Variants in SLC9A6 observed in about 807,000 individuals in gnomAD.
SLC9A6 encodes sodium/hydrogen exchanger 6.
In SLC9A6, 6 loss-of-function variants were observed where a neutral mutation model predicts 45.3. That is an observed-to-expected ratio of 0.13 (90% CI 0.07 to 0.26). SLC9A6 has a LOEUF of 0.26. SLC9A6 is among the 10% of genes least tolerant of loss of function. The pLI is 1.00. For synonymous variants in SLC9A6, 191 were observed against 187.7 expected, an observed-to-expected ratio of 1.02 and a Z score of -0.14; for missense variants, 278 against 503.7, an observed-to-expected ratio of 0.55 and a Z score of 4.29.
intron 13 of SLC9A6, among the ~76,000 whole-genome samples, chrX:136,025,752 G>A (rs782526026): frequency 1.0e-3 from 117 of 111,892 alleles, no homozygotes; most frequent in African/African-American, 3.7e-3. Flanking sequence ...GAAAGGTTCT[G>A]AGTTGTTCAA....
At chrX:136,019,885 C>T (rs1180370024) in intron 11 of SLC9A6, among the ~76,000 whole-genome samples, 1 of 112,188 alleles carries the variant, frequency 8.9e-6, no homozygotes, top group Non-Finnish European at 1.9e-5. Context: ...CTCTGCCTGA[C>T]TGTGACAGTT....
chrX:135,976,764 A>G (rs1263389932), intron 1 of SLC9A6, among the ~76,000 whole-genome samples: 2 of 112,109 alleles, frequency 1.8e-5, no homozygotes, highest in South Asian at 3.7e-4. Flanking sequence ...TGGTATTTGT[A>G]TAAACCACCA....
chrX:136,035,262 G>T (rs1324855691), intron 16 of SLC9A6, among the ~76,000 whole-genome samples: 2 of 111,999 alleles, frequency 1.8e-5, no homozygotes, highest in Non-Finnish European at 3.8e-5. Context: ...TAAGTGTACA[G>T]CTTAATGAAT....
chrX:136,037,108 G>A (rs1341380900), intron 16 of SLC9A6, among the ~76,000 whole-genome samples: 1 of 111,991 alleles, frequency 8.9e-6, no homozygotes, highest in Non-Finnish European at 1.9e-5. Flanking sequence ...TTTTATTACT[G>A]TACTTTATAA....
intron 1 of SLC9A6, among the ~76,000 whole-genome samples, chrX:135,977,898 G>A (rs1236198896): frequency 8.9e-6 from 1 of 112,166 alleles, no homozygotes; most frequent in Non-Finnish European, 1.9e-5. Flanking sequence ...CACTACAGTG[G>A]TTAAAAGCAT....
At position 136,007,468 on chromosome X, in the gene SLC9A6, T is replaced by A. The variant is rs180675014; in HGVS notation, c.744-2974T>A. On this transcript the variant is annotated intron_variant, in intron 7 of 17. Transcript: ENST00000630721. ...TAGACCACTCATACATTGTTAACAT[T>A]GAAATTGGTATTACCTTTTATCACT... 1.2e-4 allele frequency among the ~76,000 whole-genome samples: 13 copies of A among 111,781 alleles called. No individual in the cohort carries two copies. In the East Asian group the frequency reaches 3.6e-3, roughly 31 times the overall value.
chrX:135,985,126 T>G, upstream of SLC9A6: 1 of 142,713 alleles, frequency 7.0e-6, no homozygotes, highest in Non-Finnish European at 1.4e-5. Flanking sequence ...TGGGGGACGA[T>G]ATTGAGATGG....
upstream of SLC9A6, chrX:135,985,405 G>A (rs901631758): frequency 3.6e-6 from 2 of 559,392 alleles, no homozygotes; most frequent in Non-Finnish European, 4.9e-6. Flanking sequence ...GCGCTCCGAC[G>A]GCTACCCCCG....
At chrX:136,007,720 A>G (rs1358055112) in intron 7 of SLC9A6, among the ~76,000 whole-genome samples, 1 of 111,692 alleles carries the variant, frequency 9.0e-6, no homozygotes, top group East Asian at 2.8e-4. Context: ...TGGATATTAT[A>G]CTATATTAAT....
At chrX:135,996,828 G>A (rs782371897) in intron 3 of SLC9A6, among the ~76,000 whole-genome samples, 11 of 108,559 alleles carry the variant, frequency 1.0e-4, no homozygotes, top group Non-Finnish European at 2.1e-4. Context: ...GTGCAGTGGC[G>A]TGATCTCGGC....
Position 136,028,535 on chromosome X carries a change from G to A in SLC9A6, c.1461-351G>A, listed in dbSNP as rs781950292. ...TTACATTGACTTAGCTTCTAATAATGTACCATCTATTACAAGTGTGCTATC... is the reference window on the plus strand; with the variant it reads ...TTACATTGACTTAGCTTCTAATAATATACCATCTATTACAAGTGTGCTATC... On this transcript the variant is annotated intron_variant, in intron 13 of 17. Transcript: ENST00000630721. Among the ~76,000 whole-genome samples, 3 of 112,387 alleles carry A rather than the reference G, an allele frequency of 2.7e-5. No homozygotes were observed. In the South Asian group the frequency reaches 1.1e-3, roughly 42 times the overall value.
chrX:136,034,656 A>G (rs1232716691), intron 16 of SLC9A6, among the ~76,000 whole-genome samples: 2 of 111,780 alleles, frequency 1.8e-5, no homozygotes, highest in African/African-American at 6.5e-5. Flanking sequence ...TTGTATATTT[A>G]AGAAAAATCA....
chrX:135,988,789 G>C (rs1205166289), intron 2 of SLC9A6, among the ~76,000 whole-genome samples: 1 of 107,882 alleles, frequency 9.3e-6, no homozygotes, highest in Non-Finnish European at 1.9e-5. Flanking sequence ...TTTTTGTGGT[G>C]ACGCGAGTGT....
At chrX:136,022,908 C>G (rs1236051684) in intron 12 of SLC9A6, among the ~76,000 whole-genome samples, 2 of 109,077 alleles carry the variant, frequency 1.8e-5, no homozygotes, top group East Asian at 5.8e-4. Context: ...CTCCCAGGTT[C>G]AAGCAATTCT....
chrX:135,991,336 CA>C (rs1336845282), intron 2 of SLC9A6, among the ~76,000 whole-genome samples: 2 of 108,604 alleles, frequency 1.8e-5, no homozygotes, highest in Non-Finnish European at 1.9e-5. Flanking sequence ...CAACTCACTG[CA>C]ACCTCCACCT....
intron 1 of SLC9A6, among the ~76,000 whole-genome samples, chrX:135,979,215 C>T (rs1467573288): frequency 3.6e-5 from 4 of 111,492 alleles, no homozygotes; most frequent in Non-Finnish European, 7.5e-5. Context: ...CTGAAAACCT[C>T]AGCATCCTTA....
At chrX:135,984,263 A>G (rs1405648040), upstream of SLC9A6, among the ~76,000 whole-genome samples, 1 of 111,189 alleles carries the variant, frequency 9.0e-6, no homozygotes, top group Admixed American at 9.5e-5. Context: ...CAGTGGTACC[A>G]CTGATGGTAT....
At chrX:136,014,482 A>G (rs1021553446) in intron 10 of SLC9A6, among the ~76,000 whole-genome samples, 1 of 112,838 alleles carries the variant, frequency 8.9e-6, no homozygotes, top group Non-Finnish European at 1.9e-5. Context: ...AAACAAGAAC[A>G]GGCCGGGCGC....
chrX:135,978,078 A>G (rs2089270939), intron 1 of SLC9A6, among the ~76,000 whole-genome samples: 1 of 112,590 alleles, frequency 8.9e-6, no homozygotes, highest in Non-Finnish European at 1.9e-5. Context: ...GATCATACAT[A>G]TAAAGTGATT....
Sources: gnomAD v4.1 joint callset for allele counts (sites outside exome capture counted in the v4.1 genomes callset) on GRCh38, gnomAD v4.1.1 for gene constraint, MANE v1.5 for transcripts, NCBI Gene and HGNC (gene_info 2026-07-23, HGNC 2026-07-21) for gene names.